Variants in SMURF2 observed in about 807,000 individuals in gnomAD.
SMURF2 encodes the protein E3 ubiquitin-protein ligase SMURF2.
A neutral mutation model predicts 109.6 loss-of-function variants in SMURF2; 48 were observed. The ratio of observed to expected loss-of-function variants is 0.44; its 90% confidence interval spans 0.35 to 0.56. The LOEUF (loss-of-function observed/expected upper bound fraction) is 0.56, where lower values mean the gene tolerates loss of function less well. Ranked by LOEUF, SMURF2 falls within the 20% of genes least tolerant of loss-of-function variation. SMURF2 has a pLI of 0.01. For synonymous variants in SMURF2, 288 were observed against 317.1 expected, an observed-to-expected ratio of 0.91 and a Z score of 0.97; for missense variants, 575 against 909.0, an observed-to-expected ratio of 0.63 and a Z score of 4.72.
chr17:64,588,297 T>C (rs191693294), intron 5 of SMURF2, among the ~76,000 whole-genome samples: 1 of 152,066 alleles, frequency 6.6e-6, no homozygotes, highest in African/African-American at 2.4e-5. Context: ...AGGAAAAAAG[T>C]TTGTACTCCT....
chr17:64,591,173 C>G (rs1555687687), intron 4 of SMURF2, 24 bp from the exon 5 acceptor site: 1 of 1,596,198 alleles, frequency 6.3e-7, no homozygotes, highest in Non-Finnish European at 8.6e-7. Flanking sequence ...ACAAAGAAAG[C>G]AACGAAAAAA....
intron 6 of SMURF2, among the ~76,000 whole-genome samples, chr17:64,584,240 C>T (rs1289871380): frequency 6.7e-6 from 1 of 149,652 alleles, no homozygotes; most frequent in African/African-American, 2.5e-5. Flanking sequence ...ATTGCTTGAA[C>T]CGGGGAGGCG....
Position 64,545,716 on chromosome 17 carries a change from TAAAAAA to T in SMURF2, c.*126_*131del. ...TTTCCCCTCACAGTGTCCTAAAATGTAAAAAAAAAAAAAAAAAGGGGGGGGGGGGGA... is the reference window on the plus strand; with the variant it reads ...TTTCCCCTCACAGTGTCCTAAAATGTAAAAAAAAAAAGGGGGGGGGGGGGA... On this transcript the variant is annotated 3_prime_UTR_variant, in exon 19 of 19. Coordinates refer to ENST00000262435, the MANE Select transcript of SMURF2 (RefSeq NM_022739.4). The T allele has an allele frequency of 7.4e-6, 1 of 134,536 alleles. No homozygotes were observed. Among genetic ancestry groups the T allele is most frequent in the Non-Finnish European group, 1.4e-5 (1 of 70,306 alleles). 8.3% of individuals were successfully genotyped at this position (134,536 alleles called of 1,614,324 possible).
chr17:64,631,737 C>A (rs1555691607), intron 1 of SMURF2, among the ~76,000 whole-genome samples: 1 of 152,130 alleles, frequency 6.6e-6, no homozygotes, highest in African/African-American at 2.4e-5. Flanking sequence ...CATTTTCACA[C>A]TTTTTATTGG....
intron 2 of SMURF2, among the ~76,000 whole-genome samples, chr17:64,603,916 C>T (rs1555688815): frequency 6.6e-6 from 1 of 152,132 alleles, no homozygotes; most frequent in East Asian, 1.9e-4. Context: ...TATTTCATCA[C>T]CCTATAGTCG....
intron 1 of SMURF2, among the ~76,000 whole-genome samples, chr17:64,634,224 G>C (rs2144713234): frequency 6.6e-6 from 1 of 152,266 alleles, no homozygotes; most frequent in African/African-American, 2.4e-5. Flanking sequence ...AAGGGGGCTG[G>C]GAGTTTCACC....
intron 10 of SMURF2, among the ~76,000 whole-genome samples, chr17:64,569,295 C>T (rs1969363387): frequency 1.3e-5 from 2 of 149,696 alleles, no homozygotes; most frequent in Non-Finnish European, 3.0e-5. Flanking sequence ...CAGGGAAACT[C>T]CATCTAAAAA....
intron 5 of SMURF2, among the ~76,000 whole-genome samples, chr17:64,586,993 G>A (rs535973997): frequency 1.1e-4 from 17 of 151,668 alleles, no homozygotes; most frequent in Non-Finnish European, 2.5e-4. Flanking sequence ...GTGAAACCCC[G>A]TCTCTACAAA....
At chr17:64,556,060 G>C (rs540152308) in intron 13 of SMURF2, 62 bp from the exon 14 acceptor site, 8 of 1,240,834 alleles carry the variant, frequency 6.4e-6, no homozygotes, top group Middle Eastern at 2.5e-4. Flanking sequence ...TAATAAAAAT[G>C]AAATATTTCA....
At chr17:64,562,154 G>A (rs547150968) in intron 11 of SMURF2, among the ~76,000 whole-genome samples, 1 of 151,206 alleles carries the variant, frequency 6.6e-6, no homozygotes, top group East Asian at 2.0e-4. Flanking sequence ...TTAGCTGAGC[G>A]TGGTAGCGTG....
chr17:64,661,574 C>T (rs997430769), intron 1 of SMURF2, among the ~76,000 whole-genome samples: 26 of 152,132 alleles, frequency 1.7e-4, no homozygotes, highest in African/African-American at 6.3e-4. Flanking sequence ...ACCTGAAATC[C>T]GCCTGCGATG....
At chr17:64,601,345 G>GA (rs1426705403) in intron 2 of SMURF2, among the ~76,000 whole-genome samples, 74 of 151,942 alleles carry the variant, frequency 4.9e-4, no homozygotes, top group African/African-American at 1.6e-3. Context: ...AAATCAGCAA[G>GA]AAAAAATCAA....
chr17:64,624,286 C>T (rs939979762), intron 1 of SMURF2, among the ~76,000 whole-genome samples: 1 of 152,020 alleles, frequency 6.6e-6, no homozygotes, highest in Admixed American at 6.6e-5. Context: ...TGCTTGAGCC[C>T]AGGAGTTCAA....
intron 1 of SMURF2, among the ~76,000 whole-genome samples, chr17:64,616,247 T>C (rs566823950): frequency 7.2e-5 from 11 of 152,314 alleles, no homozygotes; most frequent in East Asian, 3.9e-4. Flanking sequence ...ATATTTACTA[T>C]GTGCAAGTGT....
intron 9 of SMURF2, among the ~76,000 whole-genome samples, chr17:64,576,213 G>A (rs1969488034): frequency 6.6e-6 from 1 of 151,784 alleles, no homozygotes; most frequent in South Asian, 2.1e-4. Context: ...TCAAAAAAAA[G>A]AGAGGGAGGG....
intron 1 of SMURF2, among the ~76,000 whole-genome samples, chr17:64,627,102 G>A (rs572350561): frequency 7.2e-6 from 1 of 139,564 alleles, no homozygotes; most frequent in East Asian, 2.1e-4. Context: ...AAGCCACTAA[G>A]TTTTTTTCCT....
intron 9 of SMURF2, among the ~76,000 whole-genome samples, chr17:64,577,554 AAAAT>A (rs144708729): frequency 0.081 from 12,105 of 149,754 alleles, 1,118 homozygotes; most frequent in African/African-American, 0.23. Context: ...AAAGTATAAT[AAAAT>A]AAATAAATAA....
intron 11 of SMURF2, 82 bp downstream of exon 11, chr17:64,562,689 A>G (rs1161083285): frequency 6.5e-6 from 9 of 1,386,690 alleles, no homozygotes; most frequent in East Asian, 4.7e-5. Flanking sequence ...ATTTCTCTCT[A>G]ATTTAAAATA....
At chr17:64,626,446 T>TAGAGCAGG (rs1970270291) in intron 1 of SMURF2, among the ~76,000 whole-genome samples, 1 of 152,008 alleles carries the variant, frequency 6.6e-6, no homozygotes, top group Non-Finnish European at 1.5e-5. Context: ...CTAATTAACA[T>TAGAGCAGG]AGAGCAGGAA....
Sources: gnomAD v4.1 joint callset for allele counts (sites outside exome capture counted in the v4.1 genomes callset) on GRCh38, gnomAD v4.1.1 for gene constraint, MANE v1.5 for transcripts, NCBI Gene and HGNC (gene_info 2026-07-23, HGNC 2026-07-21) for gene names.